Variants in TTN observed in about 807,000 individuals in gnomAD.
The protein encoded by TTN is connectin.
In TTN, 1,525 loss-of-function variants were observed where a neutral mutation model predicts 3,223.0. That is an observed-to-expected ratio of 0.47 (90% CI 0.45 to 0.49). The LOEUF (loss-of-function observed/expected upper bound fraction) is 0.49, where lower values mean the gene tolerates loss of function less well. TTN is among the 20% of genes least tolerant of loss of function. The pLI is 0.00. For synonymous variants in TTN, 14,094 were observed against 15,161.0 expected (o/e 0.93, Z 5.17); for missense variants, 40,786 against 43,424.0 (o/e 0.94, Z 5.40).
chr2:178,584,993 T>C, intron 309 of TTN, 25 bp from the exon 310 acceptor site: 2 of 1,609,028 alleles, frequency 1.2e-6, no homozygotes, highest in Non-Finnish European at 1.7e-6. Context: ...AGGAAAGAAA[T>C]GTAAGAACAA....
rs2092909445 is a variant in TTN, at chr2:178,782,981, T to C, written c.2925A>G (p.Thr975=). 1.2e-6 allele frequency: 2 copies of C among 1,614,046 alleles called. No homozygotes were observed. Among genetic ancestry groups the C allele is most frequent in the African/African-American group, 1.3e-5 (1 of 74,936 alleles). Residue 975 remains threonine (T), a synonymous_variant, in exon 18 of 363, where the codon ACA becomes ACG. Transcript: ENST00000589042. ...HISGYPSPTV[T]WYREDYQIES... ...CGATTTGGTAGTCTTCCCTGTACCATGTCACTGTCGGGGATGGGTATCCAG... is the reference window on the plus strand; with the variant it reads ...CGATTTGGTAGTCTTCCCTGTACCACGTCACTGTCGGGGATGGGTATCCAG...
Position 178,575,677 on chromosome 2 carries a change from G to A in TTN, c.70455C>T (p.Ala23485=), listed in dbSNP as rs759693169. ...ATGTGCATTTATGGCACTTAGTGGTGGCTGTGGAATAAGATTTCCGTGTTG... is the reference window on the plus strand; with the variant it reads ...ATGTGCATTTATGGCACTTAGTGGTAGCTGTGGAATAAGATTTCCGTGTTG... ...REATRKSYST[A]TTKCHKCTYK... is the part of the protein sequence containing the mutation. Residue 23485 remains alanine, a synonymous_variant, in exon 326 of 363, where the codon GCC becomes GCT. Coordinates refer to ENST00000589042, the MANE Select transcript of TTN (RefSeq NM_001267550.2). This position sits in a 1 kb window ranked among gnomAD's most constrained non-coding sequence, Gnocchi z 4.0. 12 of 1,613,388 alleles carry A rather than the reference G, an allele frequency of 7.4e-6. No individual in the cohort carries two copies. In the Admixed American group the frequency reaches 1.0e-4, roughly 13 times the overall value.
At position 178,590,140 on chromosome 2, in the gene TTN, G is replaced by A. The variant is rs2154184204; in HGVS notation, c.61585C>T (p.Leu20529=). The A allele has an allele frequency of 6.2e-7, 1 of 1,613,228 alleles. No homozygotes were observed. Among genetic ancestry groups the A allele is most frequent in the Admixed American group, 1.7e-5 (1 of 59,976 alleles). ...TTAATTTGTAACTCAACACGAGGTA[G>A]ATCCTGAATAAGGTCCACCCTCTTT... is the stretch of plus-strand genomic sequence containing the variant. ...REKRVDLIQD[L]PRVELQIKEA... The change falls in exon 304 of 363, where the codon CTA becomes TTA. Residue 20529 remains leucine (L), a synonymous_variant. Transcript: ENST00000589042.
intron 294 of TTN, among the ~76,000 whole-genome samples, chr2:178,596,132 A>T (rs1326256871): frequency 6.6e-6 from 1 of 151,912 alleles, no homozygotes; most frequent in African/African-American, 2.4e-5. Context: ...CTGGGACTAC[A>T]GGCATGTGCC....
chr2:178,690,155 A>ATTGTATGACCT (rs1423514612), intron 121 of TTN, among the ~76,000 whole-genome samples: 1 of 152,230 alleles, frequency 6.6e-6, no homozygotes, highest in Non-Finnish European at 1.5e-5. Flanking sequence ...TCCTTTATAT[A>ATTGTATGACCT]TTGTATGACC....
At chr2:178,670,733 T>C (rs986943155) in intron 156 of TTN, among the ~76,000 whole-genome samples, 2 of 151,988 alleles carry the variant, frequency 1.3e-5, no homozygotes, top group African/African-American at 4.8e-5. Flanking sequence ...ATATTCACTA[T>C]GTATTTATAT....
rs1024724648 is a variant in TTN at position 178,740,207 on chromosome 2, T to A, written c.13026A>T (p.Lys4342Asn). ...TCACCACGTTGTCAGAATGCTCTTC[T>A]TTGAGCAGTACCTGCTTTTCTTCAA... The part of the protein sequence containing the change: ...LALEEKQVLL[K>N]EEHSDNVVMP... The change falls in exon 48 of 363, where the codon AAA becomes AAT. Residue 4342 changes from lysine to asparagine, a missense_variant. Transcript: ENST00000589042. 6.2e-7 allele frequency: 1 copy of A among 1,613,576 alleles called. No individual in the cohort carries two copies. Among genetic ancestry groups the A allele is most frequent in the Admixed American group, 1.7e-5 (1 of 59,966 alleles).
rs1200157031 is a variant in TTN, at chr2:178,633,664, T to C, written c.42695A>G (p.Tyr14232Cys). ...TTTGTCATGTAATTTCACAGTGAAG[T>C]AGGGATCGGCCTCTGTAAAAGACAT... is the stretch of plus-strand genomic sequence containing the variant. ...AQLKVLEADP[Y>C]FTVKLHDKTA... The change falls in exon 232 of 363, where the codon TAC becomes TGC. Residue 14232 changes from tyrosine to cysteine, a missense_variant. By Grantham distance (194) the Tyr-to-Cys change is radical. Transcript: ENST00000589042. 2 of 1,612,792 alleles carry C rather than the reference T, an allele frequency of 1.2e-6. No homozygotes were observed. The highest frequency in any genetic ancestry group is 3.3e-5 in the Admixed American group (2 of 59,942).
rs1438835272 is a variant in TTN, at chr2:178,539,952, C to T, written c.98113G>A (p.Glu32705Lys). ...CCTTCTTGGTATCTTTCATCAAGTT[C>T]ATAATCAGGATATTCTGGAAAAAAA... ...VTEMLEYPDY[E>K]LDERYQEGIF... The change falls in exon 352 of 363, where the codon GAA becomes AAA. Residue 32705 changes from glutamate to lysine, a missense_variant. Physicochemically the swap from Glu to Lys is moderately conservative, Grantham distance 56. Transcript: ENST00000589042. 6 of 1,612,982 alleles carry T rather than the reference C, an allele frequency of 3.7e-6. No homozygotes were observed. The highest frequency in any genetic ancestry group is 5.1e-6 in the Non-Finnish European group (6 of 1,179,264).
At position 178,768,856 on chromosome 2, in the gene TTN, A is replaced by G. The variant is rs1288991244; in HGVS notation, c.8980T>C (p.Tyr2994His). 1.9e-6 allele frequency: 3 copies of G among 1,614,120 alleles called. No homozygotes were observed. The highest frequency in any genetic ancestry group is 2.2e-5 in the South Asian group (2 of 91,076). Residue 2994 changes from tyrosine to histidine, a missense_variant, in exon 38 of 363, where the codon TAT becomes CAT. Tyr to His is a moderately conservative substitution (Grantham distance 83). Transcript: ENST00000589042. ...DTITFEVTVN[Y>H]EGISYKWLKN... ...AACCATTTGTAAGAGATGCCTTCAT[A>G]GTTCACTGTCACCTCAAAAGTAATA... is the stretch of plus-strand genomic sequence containing the variant.
chr2:178,571,220 G>A lies in TTN; in HGVS notation c.74912C>T (p.Thr24971Ile). 3 of 1,613,556 alleles carry A rather than the reference G, an allele frequency of 1.9e-6. No homozygotes were observed. The highest frequency in any genetic ancestry group is 2.5e-6 in the Non-Finnish European group (3 of 1,179,646). ...ATATTCAACACCTTCTTCAAGGCCA[G>A]TTGTCTTAAACTTGGTTTGAGGAAT... is the stretch of plus-strand genomic sequence containing the variant. Reference protein sequence around the residue: ...TPIPQTKFKTTGLEEGVEYEF... With the variant: ...TPIPQTKFKTIGLEEGVEYEF... The change falls in exon 326 of 363, where the codon ACT becomes ATT. Residue 24971 changes from threonine to isoleucine, a missense_variant. Transcript: ENST00000589042.
chr2:178,644,785 C>T (rs2061679980), intron 217 of TTN, 169 bp from the exon 218 acceptor site: 2 of 509,124 alleles, frequency 3.9e-6, no homozygotes, highest in Non-Finnish European at 6.7e-6. Flanking sequence ...ACCATGAAAA[C>T]AGACTGCAGT....
In TTN at chr2:178,729,580, A is replaced by T. The variant is rs781455893; in HGVS notation, c.18590-14T>A. On this transcript the variant is annotated splice_polypyrimidine_tract_variant and intron_variant, in intron 63 of 362. Transcript: ENST00000589042. ...AGGTGGGGGGTTCTAAAGATTCAAA[A>T]GGAAGACAGTAGCTTACTCAAGGGA... The T allele has an allele frequency of 1.9e-6, 3 of 1,611,918 alleles. No individual in the cohort carries two copies. Among genetic ancestry groups the T allele is most frequent in the Non-Finnish European group, 2.5e-6 (3 of 1,178,900 alleles).
intron 3 of TTN, among the ~76,000 whole-genome samples, chr2:178,801,399 G>C (rs184860738): frequency 7.2e-5 from 11 of 152,188 alleles, no homozygotes; most frequent in Non-Finnish European, 1.2e-4. Context: ...GAATTTTCTG[G>C]GTGCATGCTA....
rs756035074 is a variant in TTN at position 178,557,424 on chromosome 2, TTCTG to T, written c.87834_87837del (p.Asp29278GlufsTer122). The T allele has an allele frequency of 6.2e-7, 1 of 1,613,952 alleles. No individual in the cohort carries two copies. Among genetic ancestry groups the T allele is most frequent in the Non-Finnish European group, 8.5e-7 (1 of 1,179,850 alleles). On this transcript the variant is annotated frameshift_variant, in exon 329 of 363. Coordinates refer to ENST00000589042, the MANE Select transcript of TTN (RefSeq NM_001267550.2). LOFTEE classifies it high-confidence loss of function. ...TTGGCTTTTTGCCATAAAATACTGT[TTCTG>T]TCTTTCATTTCCAGGTGATAGCCTA... is the stretch of plus-strand genomic sequence containing the variant.
rs2092362672 is a variant in TTN, at chr2:178,777,560, G to T, written c.4505C>A (p.Thr1502Asn). The change falls in exon 26 of 363, where the codon ACC becomes AAC. Residue 1502 changes from threonine to asparagine, a missense_variant. Physicochemically the swap from Thr to Asn is moderately conservative, Grantham distance 65. Transcript: ENST00000589042. ...ATCTTCTTTAATGACTACTTTATGG[G>T]TATAGTCATTGACAATTTGCTGGCC... Reference protein sequence around the residue: ...HDGQQIVNDYTHKVVIKEDGT... With the variant: ...HDGQQIVNDYNHKVVIKEDGT... 2 of 1,613,842 alleles carry T rather than the reference G, an allele frequency of 1.2e-6. No individual in the cohort carries two copies. The highest frequency in any genetic ancestry group is 1.7e-6 in the Non-Finnish European group (2 of 1,179,898).
chr2:178,713,919 G>A lies in TTN; in HGVS notation c.26739C>T (p.Cys8913=), dbSNP rs1285150409. 9 of 1,613,534 alleles carry A rather than the reference G, an allele frequency of 5.6e-6. No individual in the cohort carries two copies. The highest frequency in any genetic ancestry group is 7.6e-6 in the Non-Finnish European group (9 of 1,179,606). ...EVQNPVGKDS[C]TASLQVSDRT... ...AACCTGAAACCTGCAATGAAGCTGT[G>A]CAGCTGTCTTTGCCAACAGGGTTCT... The change falls in exon 92 of 363, where the codon TGC becomes TGT. Residue 8913 remains cysteine, a synonymous_variant. Coordinates refer to ENST00000589042, the MANE Select transcript of TTN (RefSeq NM_001267550.2).
Position 178,802,156 on chromosome 2 carries a change from C to A in TTN, c.277G>T (p.Ala93Ser). The A allele has an allele frequency of 1.9e-6, 3 of 1,614,092 alleles. No homozygotes were observed. The highest frequency in any genetic ancestry group is 2.5e-6 in the Non-Finnish European group (3 of 1,179,980). The change falls in exon 3 of 363, where the codon GCT (alanine) becomes TCT (serine). Residue 93 changes from alanine to serine, a missense_variant. Transcript: ENST00000589042. ...AGCCTACCTTTCACGAGAAGCTCAG[C>A]AGTACTAGTCGCTTGTCCAGATCCA... The part of the protein sequence containing the change: ...TNGSGQATST[A>S]ELLVKAETAP...
Position 178,618,497 on chromosome 2 carries a change from A to G in TTN, c.46967-6T>C. The stretch of plus-strand genomic sequence containing the variant: ...ACGTACTGGCCCAGGAACATCTGAA[A>G]TTCACATATAGAGGAATTTTTTTAG... On this transcript the variant is annotated splice_polypyrimidine_tract_variant and splice_region_variant and intron_variant, in intron 251 of 362. Transcript: ENST00000589042. 1 of 1,610,782 alleles carries G rather than the reference A, an allele frequency of 6.2e-7. No homozygotes were observed. Among genetic ancestry groups the G allele is most frequent in the Non-Finnish European group, 8.5e-7 (1 of 1,178,694 alleles).
Sources: gnomAD v4.1 joint callset for allele counts (sites outside exome capture counted in the v4.1 genomes callset) on GRCh38, gnomAD v4.1.1 for gene constraint, Gnocchi (gnomAD v3.1) non-coding constraint, MANE v1.5 for transcripts, NCBI Gene and HGNC (gene_info 2026-07-23, HGNC 2026-07-21) for gene names.